The following PPARGC1A variants were observed in gnomAD, a reference collection of about 807,000 sequenced individuals.
PPARGC1A encodes PPARG coactivator 1 alpha.
A neutral mutation model predicts 88.7 loss-of-function variants in PPARGC1A; 25 were observed. That is an observed-to-expected ratio of 0.28 (90% CI 0.21 to 0.39). The LOEUF is 0.39. Among genes scored for constraint, PPARGC1A ranks in the 10% least tolerant of loss-of-function variants. PPARGC1A has a pLI of 1.00. For synonymous variants in PPARGC1A, 363 were observed against 355.6 expected (o/e 1.02, Z -0.24); for missense variants, 880 against 968.7 (o/e 0.91, Z 1.22).
At chr4:24,361,934 T>C in the PPARGC1A span, among the ~76,000 whole-genome samples, 1 of 152,200 alleles carries the variant, frequency 6.6e-6, no homozygotes, top group African/African-American at 2.4e-5. Flanking sequence ...AAATCCATTG[T>C]CTGAAAGAGT....
the PPARGC1A span, among the ~76,000 whole-genome samples, chr4:23,933,606 C>A: frequency 6.6e-6 from 1 of 152,162 alleles, no homozygotes; most frequent in Non-Finnish European, 1.5e-5. Context: ...ACTGGCCCAG[C>A]AAACTCTGAG....
chr4:23,824,299 C>T lies in PPARGC1A; in HGVS notation c.858G>A (p.Val286=), dbSNP rs763163475. 1.2e-6 allele frequency: 2 copies of T among 1,613,410 alleles called. No homozygotes were observed. Among genetic ancestry groups the T allele is most frequent in the Admixed American group, 1.7e-5 (1 of 59,958 alleles). Residue 286 remains valine, a synonymous_variant, in exon 7 of 13, where the codon GTG becomes GTA. Coordinates refer to ENST00000264867, the MANE Select transcript of PPARGC1A (RefSeq NM_013261.5). ...GCTTACCTGCAGTTCCAGAGAGTTC[C>T]ACACTTAAGGTGCGTTCAATAGTCT... ...ENKTIERTLS[V]ELSGTAGLTP... is the part of the protein sequence containing the mutation.
chr4:23,994,501 G>C, the PPARGC1A span, among the ~76,000 whole-genome samples: 64 of 152,244 alleles, frequency 4.2e-4, no homozygotes, highest in East Asian at 6.6e-3. Flanking sequence ...GGCAGAGAAG[G>C]GGGGGCGGTG....
chr4:23,855,010 A>C (rs1459463638), intron 2 of PPARGC1A, among the ~76,000 whole-genome samples: 2 of 152,154 alleles, frequency 1.3e-5, no homozygotes, highest in African/African-American at 4.8e-5. Context: ...ACCCAGTGGG[A>C]CATAACTGAA....
chr4:24,138,806 G>A, the PPARGC1A span, among the ~76,000 whole-genome samples: 1 of 152,176 alleles, frequency 6.6e-6, no homozygotes, highest in Non-Finnish European at 1.5e-5. Context: ...GGAATGTAAA[G>A]ATCCTAGTGT....
At chr4:24,459,315 G>A in the PPARGC1A span, among the ~76,000 whole-genome samples, 5 of 152,104 alleles carry the variant, frequency 3.3e-5, no homozygotes, top group Admixed American at 1.3e-4. Context: ...TAATAATCAC[G>A]TGGCTATTAG....
the PPARGC1A span, among the ~76,000 whole-genome samples, chr4:24,007,821 C>T: frequency 2.0e-5 from 3 of 151,990 alleles, no homozygotes; most frequent in African/African-American, 7.2e-5. Flanking sequence ...AGGCGGGTTC[C>T]TTGGAGGGTG....
chr4:24,043,184 A>C, the PPARGC1A span, among the ~76,000 whole-genome samples: 1 of 152,164 alleles, frequency 6.6e-6, no homozygotes. Flanking sequence ...TGGGCAGCTA[A>C]ATTCAGAAGC....
chr4:24,366,699 C>T, the PPARGC1A span, among the ~76,000 whole-genome samples: 1 of 152,154 alleles, frequency 6.6e-6, no homozygotes, highest in Non-Finnish European at 1.5e-5. Flanking sequence ...ATCCTGCTCT[C>T]CCCAAGACCT....
At chr4:24,108,190 G>C in the PPARGC1A span, among the ~76,000 whole-genome samples, 1 of 152,138 alleles carries the variant, frequency 6.6e-6, no homozygotes, top group South Asian at 2.1e-4. Context: ...AAGTGCCTTA[G>C]AGGGTGCTCC....
chr4:23,921,464 G>T, the PPARGC1A span, among the ~76,000 whole-genome samples: 1 of 152,226 alleles, frequency 6.6e-6, no homozygotes, highest in Non-Finnish European at 1.5e-5. Flanking sequence ...ATTCGGTTTG[G>T]CTGCCCTTAC....
chr4:24,012,935 T>C, the PPARGC1A span, among the ~76,000 whole-genome samples: 1 of 152,160 alleles, frequency 6.6e-6, no homozygotes, highest in African/African-American at 2.4e-5. Flanking sequence ...TCATCCTGTC[T>C]GCTACCTGTA....
At chr4:23,965,897 T>C in the PPARGC1A span, among the ~76,000 whole-genome samples, 2 of 152,330 alleles carry the variant, frequency 1.3e-5, no homozygotes, top group South Asian at 4.1e-4. Context: ...TTTTATCTTG[T>C]CATGCTTCTT....
the PPARGC1A span, among the ~76,000 whole-genome samples, chr4:24,466,397 G>C: frequency 6.6e-6 from 1 of 152,182 alleles, no homozygotes; most frequent in Admixed American, 6.5e-5. Context: ...GAGTACAGTG[G>C]GGATAAGAAG....
At chr4:24,180,849 A>G in the PPARGC1A span, among the ~76,000 whole-genome samples, 1 of 152,178 alleles carries the variant, frequency 6.6e-6, no homozygotes, top group Non-Finnish European at 1.5e-5. Flanking sequence ...GACTAGTCCC[A>G]ATGCCCCACA....
chr4:24,336,146 T>A, the PPARGC1A span, among the ~76,000 whole-genome samples: 1 of 152,128 alleles, frequency 6.6e-6, no homozygotes, highest in African/African-American at 2.4e-5. Context: ...TTCCCCTTCA[T>A]CTCCTGAGCA....
chr4:24,471,363 C>G, the PPARGC1A span, among the ~76,000 whole-genome samples: 5 of 152,134 alleles, frequency 3.3e-5, no homozygotes, highest in African/African-American at 1.2e-4. The surrounding 1 kb of genome is among the most constrained non-coding windows in gnomAD (Gnocchi z 5.4). Flanking sequence ...CACACACACG[C>G]ATACACGTAC....
the PPARGC1A span, chr4:24,091,431 G>C: frequency 2.0e-6 from 2 of 984,080 alleles, no homozygotes; most frequent in Non-Finnish European, 2.4e-6. Flanking sequence ...AGTTGAGAGA[G>C]ATTTGGGTCC....
At chr4:24,449,484 T>C in the PPARGC1A span, among the ~76,000 whole-genome samples, 32,080 of 152,174 alleles carry the variant, frequency 0.21, 4,276 homozygotes, top group African/African-American at 0.37. Flanking sequence ...TTCAATTTTG[T>C]TGTTTTATTC....
Sources: gnomAD v4.1 joint callset for allele counts (sites outside exome capture counted in the v4.1 genomes callset) on GRCh38, gnomAD v4.1.1 for gene constraint, Gnocchi (gnomAD v3.1) non-coding constraint, MANE v1.5 for transcripts, NCBI Gene and HGNC (gene_info 2026-07-23, HGNC 2026-07-21) for gene names.